LYST: variants seen among roughly 807,000 people sequenced by gnomAD.
LYST encodes the protein lysosomal trafficking regulator.
Under a neutral mutation model 413.6 loss-of-function variants are expected in LYST, and 192 were observed. The observed-to-expected ratio is 0.46, with a 90% confidence interval of 0.41 to 0.52. LYST has a LOEUF of 0.52. LYST is among the 20% of genes least tolerant of loss of function. LYST has a pLI of 0.00. For synonymous variants in LYST, 1,525 were observed against 1,567.3 expected (o/e 0.97, Z 0.64); for missense variants, 3,815 against 4,499.9 (o/e 0.85, Z 4.35).
In LYST at chr1:235,664,070, A is replaced by G; in HGVS notation, c.11196-15T>C. The G allele has an allele frequency of 6.3e-7, 1 of 1,588,356 alleles. No individual in the cohort carries two copies. Among genetic ancestry groups the G allele is most frequent in the Non-Finnish European group, 8.6e-7 (1 of 1,156,570 alleles). ...TGCTCCATAACCTAGAGGGGAAAAA[A>G]ATCATCTAATTATGCAAACTAAAAT... is the stretch of plus-strand genomic sequence containing the variant. On this transcript the variant is annotated splice_polypyrimidine_tract_variant and intron_variant, in intron 51 of 52. Transcript: ENST00000389793. This position sits in a 1 kb window ranked among gnomAD's most constrained non-coding sequence, Gnocchi z 4.5.
chr1:235,692,978 G>A (rs1660790700), intron 47 of LYST, among the ~76,000 whole-genome samples: 1 of 150,490 alleles, frequency 6.6e-6, no homozygotes, highest in Admixed American at 6.6e-5. Flanking sequence ...CTGAGAGTGT[G>A]CTTTTGCACT....
chr1:235,845,642 A>AGG (rs34968386), intron 1 of LYST, among the ~76,000 whole-genome samples: 1 of 151,696 alleles, frequency 6.6e-6, no homozygotes, highest in African/African-American at 2.4e-5. Context: ...CCCGGCAGTT[A>AGG]GGGGGGACAC....
At chr1:235,821,288 T>G (rs1198136771) in intron 3 of LYST, among the ~76,000 whole-genome samples, 1 of 152,062 alleles carries the variant, frequency 6.6e-6, no homozygotes, top group African/African-American at 2.4e-5. Flanking sequence ...AATACAAAAA[T>G]TAGCTGGGCA....
intron 1 of LYST, among the ~76,000 whole-genome samples, chr1:235,863,278 G>C (rs971716123): frequency 2.6e-5 from 4 of 151,932 alleles, no homozygotes; most frequent in African/African-American, 7.3e-5. Context: ...TGTAGTCCCA[G>C]CTACTCTGGA....
At chr1:235,784,744 T>C (rs533810232) in intron 14 of LYST, among the ~76,000 whole-genome samples, 5 of 152,192 alleles carry the variant, frequency 3.3e-5, no homozygotes, top group African/African-American at 1.2e-4. Context: ...AGAAATTGAG[T>C]GGAGAGTGCC....
chr1:235,759,431 G>A lies in LYST; in HGVS notation c.6422C>T (p.Ala2141Val). The change falls in exon 23 of 53, where the codon GCC (alanine) becomes GTC (valine). Residue 2141 changes from alanine to valine, a missense_variant. Transcript: ENST00000389793. Reference protein sequence around the residue: ...RLQNIADTYVATQSKKQNSLG... With the variant: ...RLQNIADTYVVTQSKKQNSLG... The stretch of plus-strand genomic sequence containing the variant: ...AGAATTTTGTTTCTTTGATTGGGTG[G>A]CAACATAAGTATCTGCAATATTTTG... The A allele has an allele frequency of 1.9e-6, 3 of 1,614,038 alleles. No individual in the cohort carries two copies. The highest frequency in any genetic ancestry group is 2.5e-6 in the Non-Finnish European group (3 of 1,179,958).
intron 25 of LYST, among the ~76,000 whole-genome samples, chr1:235,754,389 C>T (rs978870158): frequency 1.3e-5 from 2 of 151,772 alleles, no homozygotes; most frequent in African/African-American, 2.4e-5. Context: ...TGTGCCACCA[C>T]GCCCAGCAAA....
Position 235,686,800 on chromosome 1 carries a change from C to A in LYST, c.10800+149G>T. 11 of 683,282 alleles carry A rather than the reference C, an allele frequency of 1.6e-5. No homozygotes were observed. The highest frequency in any genetic ancestry group is 2.4e-4 in the Middle Eastern group (1 of 4,082). The allele number at this position is 683,282 out of a possible 1,614,324, so 42.3% of individuals were successfully genotyped here. A position where few individuals can be genotyped will look rare whatever the true frequency, so the allele number is the denominator to read the frequency against. Reference sequence around the variant, plus strand: ...AAGATTTTTCATGATTCTAATAAACCCTAAAGCATTTTAAGACCTAATGTA... The same window carrying A: ...AAGATTTTTCATGATTCTAATAAACACTAAAGCATTTTAAGACCTAATGTA... On this transcript the variant is annotated intron_variant, in intron 48 of 52. Transcript: ENST00000389793. This position sits in a 1 kb window ranked among gnomAD's most constrained non-coding sequence, Gnocchi z 4.0.
intron 39 of LYST, among the ~76,000 whole-genome samples, chr1:235,721,412 T>C (rs955957115): frequency 4.6e-5 from 7 of 152,232 alleles, no homozygotes; most frequent in African/African-American, 1.7e-4. Flanking sequence ...TCACTACTGA[T>C]TGAAAACATA....
chr1:235,768,257 A>G (rs959827874), intron 20 of LYST, among the ~76,000 whole-genome samples: 5 of 151,904 alleles, frequency 3.3e-5, no homozygotes, highest in Non-Finnish European at 7.4e-5. Flanking sequence ...TTTATGTTAT[A>G]TTTGACTCCT....
Position 235,801,041 on chromosome 1 carries a change from A to T in LYST, c.3769T>A (p.Leu1257Ile). The change falls in exon 9 of 53, where the codon TTA (leucine) becomes ATA (isoleucine). Residue 1257 changes from leucine to isoleucine, a missense_variant. Physicochemically the swap from Leu to Ile is conservative, Grantham distance 5 (BLOSUM62 2). This residue lies in a region of LYST where 1,648 missense variants were observed against 1,810.3 expected (regional missense o/e 0.91). Coordinates refer to ENST00000389793, the MANE Select transcript of LYST (RefSeq NM_000081.4). The part of the protein sequence containing the change: ...GFSASSSPND[L>I]LENLTQGEII... Reference sequence around the variant, plus strand: ...TCCCCTTGAGTGAGGTTTTCGAGTAAGTCATTTGGACTGCTTGATGCACTG... The same window carrying T: ...TCCCCTTGAGTGAGGTTTTCGAGTATGTCATTTGGACTGCTTGATGCACTG... 1 of 1,613,704 alleles carries T rather than the reference A, an allele frequency of 6.2e-7. No individual in the cohort carries two copies. Among genetic ancestry groups the T allele is most frequent in the Non-Finnish European group, 8.5e-7 (1 of 1,179,754 alleles).
intron 20 of LYST, among the ~76,000 whole-genome samples, chr1:235,769,828 G>A (rs1437677914): frequency 6.6e-6 from 1 of 151,974 alleles, no homozygotes; most frequent in African/African-American, 2.4e-5. Flanking sequence ...ATTTATTTAA[G>A]GAATATGGAA....
chr1:235,786,131 C>T (rs903301605), intron 14 of LYST, among the ~76,000 whole-genome samples: 5 of 152,094 alleles, frequency 3.3e-5, no homozygotes, highest in African/African-American at 1.2e-4. Context: ...GATGAAATTA[C>T]AGATTCTGTT....
intron 40 of LYST, among the ~76,000 whole-genome samples, chr1:235,718,297 C>T (rs1021746389): frequency 1.6e-4 from 24 of 152,030 alleles, no homozygotes; most frequent in South Asian, 4.2e-4. Context: ...TACTATTACC[C>T]TAGGCCACAC....
chr1:235,832,992 ATTTTG>A (rs896535486), intron 2 of LYST, among the ~76,000 whole-genome samples: 4 of 151,962 alleles, frequency 2.6e-5, no homozygotes, highest in Non-Finnish European at 4.4e-5. Flanking sequence ...CTTTTTTATT[ATTTTG>A]TTTTGAATTT....
At chr1:235,770,358 T>C (rs951970339) in intron 19 of LYST, 61 bp from the exon 20 acceptor site, 15 of 1,467,028 alleles carry the variant, frequency 1.0e-5, no homozygotes, top group Admixed American at 5.0e-5. Flanking sequence ...AGCATGCTTT[T>C]TGGAAGACAC....
intron 30 of LYST, among the ~76,000 whole-genome samples, chr1:235,742,757 C>G (rs1665547738): frequency 6.6e-6 from 1 of 151,510 alleles, no homozygotes. Flanking sequence ...ATAATAAAGA[C>G]TTGAATTGTG....
Position 235,808,521 on chromosome 1 carries a change from T to A in LYST, c.2297A>T (p.Asn766Ile), listed in dbSNP as rs756735142. ...AAGCACGTCCTGAGGCAAGCACTGG[T>A]TATGATGGCTACATACATGACTTTG... ...SAQSHVCSHH[N>I]QCLPQDVLQI... The change falls in exon 5 of 53, where the codon AAC becomes ATC. Residue 766 changes from asparagine (N) to isoleucine (I), a missense_variant. Around this residue, in one of 4 missense-constraint regions of LYST, gnomAD observed 1,648 missense variants for 1,810.3 expected, o/e 0.91. Coordinates refer to ENST00000389793, the MANE Select transcript of LYST (RefSeq NM_000081.4). 2 of 1,613,402 alleles carry A rather than the reference T, an allele frequency of 1.2e-6. No homozygotes were observed. The highest frequency in any genetic ancestry group is 1.7e-6 in the Non-Finnish European group (2 of 1,179,860).
At chr1:235,813,127 T>C in intron 3 of LYST, 66 bp from the exon 4 acceptor site, 2 of 931,548 alleles carry the variant, frequency 2.1e-6, no homozygotes, top group Non-Finnish European at 3.5e-6. Flanking sequence ...CCTAATGTCT[T>C]GTCTTAAACT....
Sources: gnomAD v4.1 joint callset for allele counts (sites outside exome capture counted in the v4.1 genomes callset) on GRCh38, gnomAD v4.1.1 for gene constraint, gnomAD v4.1.1 regional missense constraint, Gnocchi (gnomAD v3.1) non-coding constraint, MANE v1.5 for transcripts, NCBI Gene and HGNC (gene_info 2026-07-23, HGNC 2026-07-21) for gene names.